Variants in SLC12A4 observed in about 807,000 individuals in gnomAD.
SLC12A4 encodes the protein electroneutral potassium-chloride cotransporter 1.
In SLC12A4, 84 loss-of-function variants were observed where a neutral mutation model predicts 119.2. The ratio of observed to expected loss-of-function variants is 0.70; its 90% CI spans 0.59 to 0.85. SLC12A4 has a LOEUF of 0.85. Ranked by LOEUF, SLC12A4 falls within the 40% of genes least tolerant of loss-of-function variation. The pLI is 0.00. For synonymous variants in SLC12A4, 599 were observed against 604.6 expected, an observed-to-expected ratio of 0.99 and a Z score of 0.14; for missense variants, 1,298 against 1,476.3, an observed-to-expected ratio of 0.88 and a Z score of 1.98.
Position 67,951,625 on chromosome 16 carries a change from G to T in SLC12A4, c.1132+198C>A. 1 of 619,452 alleles carries T rather than the reference G, an allele frequency of 1.6e-6. No individual in the cohort carries two copies. The highest frequency in any genetic ancestry group is 2.8e-6 in the Non-Finnish European group (1 of 354,358). The allele number at this position is 619,452 out of a possible 1,614,324, so 38.4% of individuals were successfully genotyped here. A position where few individuals can be genotyped will look rare whatever the true frequency, so the allele number is the denominator to read the frequency against. ...TGGCTGGGGAAGACAGGCTGCTGCAGGCCTTGGACGCTGGCCAGACAGGCT... is the reference window on the plus strand; with the variant it reads ...TGGCTGGGGAAGACAGGCTGCTGCATGCCTTGGACGCTGGCCAGACAGGCT... On this transcript the variant is annotated intron_variant, in intron 8 of 23. Coordinates refer to ENST00000316341, the MANE Select transcript of SLC12A4 (RefSeq NM_005072.5). This position sits in a 1 kb window ranked among gnomAD's most constrained non-coding sequence, Gnocchi z 5.2.
rs574540667 is a variant in SLC12A4 at position 67,950,582 on chromosome 16, C to T, written c.1454+72G>A. ...CAGCCAGCAGGCTTAGGACCACCCA[C>T]GGGGTTGGGAGCTGGTGTGAGGGCA... On this transcript the variant is annotated intron_variant, in intron 11 of 23. Transcript: ENST00000316341. The surrounding 1 kb of genome is among the most constrained non-coding windows in gnomAD (Gnocchi z 4.3). 1.3e-4 allele frequency: 201 copies of T among 1,607,028 alleles called. No individual in the cohort carries two copies. The African/African-American group carries it at 2.3e-3, about 18-fold the overall frequency.
chr16:67,949,985 G>T lies in SLC12A4; in HGVS notation c.1630-67C>A. 7.7e-7 allele frequency: 1 copy of T among 1,306,758 alleles called. No homozygotes were observed. The highest frequency in any genetic ancestry group is 1.1e-6 in the Non-Finnish European group (1 of 909,392). 80.9% of individuals were successfully genotyped at this position (1,306,758 alleles called of 1,614,324 possible). On this transcript the variant is annotated intron_variant, in intron 12 of 23. Coordinates refer to ENST00000316341, the MANE Select transcript of SLC12A4 (RefSeq NM_005072.5). This position sits in a 1 kb window ranked among gnomAD's most constrained non-coding sequence, Gnocchi z 4.6. ...TCCACACCTTGGGCCCCAGACCCCA[G>T]CCTGGCCTCCCTCACCCCCAGGGCC...
rs1567413144 is a variant in SLC12A4 at position 67,946,183 on chromosome 16, C to CAGCAGGA, written c.2588_2594dup (p.Arg866ProfsTer6). 1 of 1,613,952 alleles carries CAGCAGGA rather than the reference C, an allele frequency of 6.2e-7. No individual in the cohort carries two copies. Among genetic ancestry groups the CAGCAGGA allele is most frequent in the East Asian group, 2.2e-5 (1 of 44,882 alleles). On this transcript the variant is annotated frameshift_variant, in exon 19 of 24. Transcript: ENST00000316341. LOFTEE classifies it high-confidence loss of function. ...CCCCCTGGTCTACCTTATGCTGGCG[C>CAGCAGGA]AGCAGGAAGGGCAGAAGCATGAGCA...
chr16:67,951,933 A>G lies in SLC12A4; in HGVS notation c.1022T>C (p.Phe341Ser). The change falls in exon 8 of 24, where the codon TTC becomes TCC. Residue 341 changes from phenylalanine to serine, a missense_variant. Transcript: ENST00000316341. This position sits in a 1 kb window ranked among gnomAD's most constrained non-coding sequence, Gnocchi z 5.2. ...CGTAAGGTTGGGGCTGTGGCAGAAG[A>G]AACTCCATAGCTGGGTGGCCACTGT... ...NETVATQLWSFFCHSPNLTTD... is the reference protein window; with the variant it reads ...NETVATQLWSSFCHSPNLTTD... 1 of 1,614,022 alleles carries G rather than the reference A, an allele frequency of 6.2e-7. No individual in the cohort carries two copies. Among genetic ancestry groups the G allele is most frequent in the Non-Finnish European group, 8.5e-7 (1 of 1,180,028 alleles).
rs2058395192 is a variant in SLC12A4, at chr16:67,949,974, C to T, written c.1630-56G>A. The T allele has an allele frequency of 7.2e-7, 1 of 1,390,690 alleles. No individual in the cohort carries two copies. Among genetic ancestry groups the T allele is most frequent in the Non-Finnish European group, 1.0e-6 (1 of 982,968 alleles). The allele number at this position is 1,390,690 out of a possible 1,614,324, so 86.1% of individuals were successfully genotyped here. A position where few individuals can be genotyped will look rare whatever the true frequency, so the allele number is the denominator to read the frequency against. ...GTCACCCCCATTCCACACCTTGGGC[C>T]CCAGACCCCAGCCTGGCCTCCCTCA... On this transcript the variant is annotated intron_variant, in intron 12 of 23. Transcript: ENST00000316341. This position sits in a 1 kb window ranked among gnomAD's most constrained non-coding sequence, Gnocchi z 4.6.
Position 67,950,697 on chromosome 16 carries a change from C to T in SLC12A4, c.1411G>A (p.Val471Ile). 1.2e-6 allele frequency: 2 copies of T among 1,611,444 alleles called. No homozygotes were observed. Among genetic ancestry groups the T allele is most frequent in the Non-Finnish European group, 1.7e-6 (2 of 1,178,782 alleles). ...TTSLVYFSSV[V>I]LFGACIEGVV... ...CCCTCAATGCAGGCACCAAAGAGAA[C>T]CACACTGCTGAAGTCTGCGGCGGCG... Residue 471 changes from valine (V) to isoleucine (I), a missense_variant, in exon 11 of 24, where the codon GTT becomes ATT. Coordinates refer to ENST00000316341, the MANE Select transcript of SLC12A4 (RefSeq NM_005072.5). This position sits in a 1 kb window ranked among gnomAD's most constrained non-coding sequence, Gnocchi z 4.3.
At position 67,945,209 on chromosome 16, in the gene SLC12A4, T is replaced by C. The variant is rs1213075669; in HGVS notation, c.3044A>G (p.Asn1015Ser). Reference protein sequence around the residue: ...ELVHIKPDQSNVRRMHTAVKL... With the variant: ...ELVHIKPDQSSVRRMHTAVKL... ...CACAGCAGTGTGCATGCGCCGCACA[T>C]TGGATTGGTCCCTACACGTAGTGTA... The change falls in exon 23 of 24, where the codon AAT becomes AGT. Residue 1015 changes from asparagine (N) to serine (S), a missense_variant. Asn to Ser is a conservative substitution (Grantham distance 46). Transcript: ENST00000316341. The C allele has an allele frequency of 3.8e-6, 6 of 1,559,808 alleles. No individual in the cohort carries two copies. The highest frequency in any genetic ancestry group is 1.2e-5 in the South Asian group (1 of 82,172).
rs142605989 is a variant in SLC12A4 at position 67,946,259 on chromosome 16, C to T, written c.2519G>A (p.Arg840His). 8.1e-5 allele frequency: 130 copies of T among 1,613,732 alleles called. No homozygotes were observed. Among genetic ancestry groups the T allele is most frequent in the South Asian group, 5.8e-4 (53 of 91,088 alleles). Residue 840 changes from arginine to histidine, a missense_variant, in exon 19 of 24, where the codon CGC becomes CAC. By Grantham distance (29) the Arg-to-His change is conservative. Transcript: ENST00000316341. The stretch of plus-strand genomic sequence containing the variant: ...CACGTCTATGTGGCCCTCCAGGTAG[C>T]GCTCGTGGTTGCTGGGGTAGAAGGC... ...NIAFYPSNHE[R>H]YLEGHIDVWW...
rs2030968742 is a variant in SLC12A4 at position 67,968,561 on chromosome 16, G to A, written c.-8C>T. On this transcript the variant is annotated 5_prime_UTR_variant, in exon 1 of 24. Coordinates refer to ENST00000316341, the MANE Select transcript of SLC12A4 (RefSeq NM_005072.5). ...CACGGTGAAGTGAGGCATCGTGCGG[G>A]CTCGGCCCCGCCGCACCCGCCGTCC... 2.0e-6 allele frequency: 3 copies of A among 1,501,088 alleles called. No individual in the cohort carries two copies. The highest frequency in any genetic ancestry group is 2.7e-6 in the Non-Finnish European group (3 of 1,129,590). The allele number at this position is 1,501,088 out of a possible 1,614,324, so 93.0% of individuals were successfully genotyped here.
At position 67,944,547 on chromosome 16, in the gene SLC12A4, C is replaced by T. The variant is rs889658372; in HGVS notation, c.*293G>A. On this transcript the variant is annotated 3_prime_UTR_variant, in exon 24 of 24. Coordinates refer to ENST00000316341, the MANE Select transcript of SLC12A4 (RefSeq NM_005072.5). This position sits in a 1 kb window ranked among gnomAD's most constrained non-coding sequence, Gnocchi z 6.6. ...ATAGCGCTCCTGGGCTGGGCCGGGC[C>T]GGCTGCCTTCAAACCCCACTCGGCC... 1.3e-5 allele frequency: 17 copies of T among 1,291,236 alleles called. No homozygotes were observed. Among genetic ancestry groups the T allele is most frequent in the Middle Eastern group, 2.9e-4 (1 of 3,396 alleles). 80.0% of individuals were successfully genotyped at this position (1,291,236 alleles called of 1,614,324 possible).
At chr16:67,963,863 G>A in intron 1 of SLC12A4, 1 of 1,537,048 alleles carries the variant, frequency 6.5e-7, no homozygotes, top group Non-Finnish European at 8.8e-7. Context: ...AGAGGGGCGG[G>A]GCCAGCGTTT....
rs371123430 is a variant in SLC12A4 at position 67,949,921 on chromosome 16, G to C, written c.1630-3C>G. 8 of 1,605,020 alleles carry C rather than the reference G, an allele frequency of 5.0e-6. No individual in the cohort carries two copies. The highest frequency in any genetic ancestry group is 6.8e-6 in the Non-Finnish European group (8 of 1,172,522). On this transcript the variant is annotated splice_polypyrimidine_tract_variant and splice_region_variant and intron_variant, in intron 12 of 23. Coordinates refer to ENST00000316341, the MANE Select transcript of SLC12A4 (RefSeq NM_005072.5). The surrounding 1 kb of genome is among the most constrained non-coding windows in gnomAD (Gnocchi z 4.6). The stretch of plus-strand genomic sequence containing the variant: ...TTCACCTTCCCGTGGCCAAACACCT[G>C]TGTGCACCAGGAAGGAAGCTGGGTC...
Position 67,952,362 on chromosome 16 carries a change from T to C in SLC12A4, c.739A>G (p.Thr247Ala), listed in dbSNP as rs1478409092. The part of the protein sequence containing the change: ...PSGAHDTSNA[T>A]LNNMRVYGTI... Reference sequence around the variant, plus strand: ...CCATACACACGCATATTGTTCAAAGTGGCATTCGACGTGTCATGAGCACCC... The same window carrying C: ...CCATACACACGCATATTGTTCAAAGCGGCATTCGACGTGTCATGAGCACCC... Residue 247 changes from threonine to alanine, a missense_variant, in exon 7 of 24, where the codon ACT becomes GCT. Coordinates refer to ENST00000316341, the MANE Select transcript of SLC12A4 (RefSeq NM_005072.5). 1 of 1,614,164 alleles carries C rather than the reference T, an allele frequency of 6.2e-7. No homozygotes were observed.
chr16:67,967,011 CTCTGGGG>C, intron 1 of SLC12A4: 1 of 861,264 alleles, frequency 1.2e-6, no homozygotes, highest in Non-Finnish European at 1.7e-6. Flanking sequence ...CCAGTCTACC[CTCTGGGG>C]AGAGAGGTCC....
In SLC12A4 at chr16:67,951,893, G is replaced by A. The variant is rs2029927969; in HGVS notation, c.1062C>T (p.Asp354=). ...TCACATTGTTGAGCATGAAGTAGGG[G>A]TCACAGGAGTCGGTCGTAAGGTTGG... The part of the protein sequence containing the change: ...HSPNLTTDSC[D]PYFMLNNVTE... Residue 354 remains aspartate (D), a synonymous_variant, in exon 8 of 24, where the codon GAC becomes GAT. Coordinates refer to ENST00000316341, the MANE Select transcript of SLC12A4 (RefSeq NM_005072.5). The surrounding 1 kb of genome is among the most constrained non-coding windows in gnomAD (Gnocchi z 5.2). 6.2e-7 allele frequency: 1 copy of A among 1,613,844 alleles called. No individual in the cohort carries two copies. The highest frequency in any genetic ancestry group is 1.3e-5 in the African/African-American group (1 of 74,936).
At chr16:67,962,165 A>C (rs1428804396) in intron 2 of SLC12A4, 2 of 156,190 alleles carry the variant, frequency 1.3e-5, no homozygotes, top group African/African-American at 4.8e-5. Context: ...TGTCTGGGAC[A>C]AGTGAAGTCT....
In SLC12A4 at chr16:67,950,979, A is replaced by G. The variant is rs200013508; in HGVS notation, c.1379T>C (p.Ile460Thr). 2 of 1,613,770 alleles carry G rather than the reference A, an allele frequency of 1.2e-6. No individual in the cohort carries two copies. The highest frequency in any genetic ancestry group is 2.2e-5 in the East Asian group (1 of 44,882). Residue 460 changes from isoleucine to threonine, a missense_variant, in exon 10 of 24, where the codon ATT becomes ACT. Transcript: ENST00000316341. This position sits in a 1 kb window ranked among gnomAD's most constrained non-coding sequence, Gnocchi z 4.3. ...AAGGATACACACGAGGGAAGTTGTA[A>G]TGATGGCCAGAATGGTCCCCACAGG... The part of the protein sequence containing the change: ...SIPVGTILAI[I>T]TTSLVYFSSV...
intron 1 of SLC12A4, chr16:67,966,609 G>T: frequency 1.9e-6 from 2 of 1,034,422 alleles, no homozygotes; most frequent in Non-Finnish European, 1.4e-6. Flanking sequence ...GCCAAGGTGG[G>T]CTGGATGAGC....
rs1239943054 is a variant in SLC12A4 at position 67,968,490 on chromosome 16, C to T, written c.64G>A (p.Gly22Arg). The T allele has an allele frequency of 6.3e-7, 1 of 1,587,440 alleles. No homozygotes were observed. Among genetic ancestry groups the T allele is most frequent in the South Asian group, 1.1e-5 (1 of 88,556 alleles). Residue 22 changes from glycine (G) to arginine (R), a missense_variant, in exon 1 of 24, where the codon GGG becomes AGG. Coordinates refer to ENST00000316341, the MANE Select transcript of SLC12A4 (RefSeq NM_005072.5). ...TCCCCGTAGTCCACCCAACTGAGCC[C>T]CTCGAGGTTGTCATAGTCGCCGCGC... ...PRRGDYDNLE[G>R]LSWVDYGERA... is the part of the protein sequence containing the mutation.
Sources: gnomAD v4.1 joint callset for allele counts on GRCh38, gnomAD v4.1.1 for gene constraint, Gnocchi (gnomAD v3.1) non-coding constraint, MANE v1.5 for transcripts, NCBI Gene and HGNC (gene_info 2026-07-23, HGNC 2026-07-21) for gene names.